WWOX: variants seen among roughly 807,000 people sequenced by gnomAD.
WWOX encodes the protein WW domain containing oxidoreductase, also known as WW domain-containing oxidoreductase.
A neutral mutation model predicts 46.2 loss-of-function variants in WWOX; 69 were observed. The ratio of observed to expected loss-of-function variants is 1.49; its 90% CI spans 1.23 to 1.82. WWOX has a LOEUF of 1.82. Ranked by LOEUF, WWOX falls within the 40% of genes most tolerant of loss-of-function variation. The pLI is 0.00. For missense variants in WWOX, 919 were observed against 542.6 expected, an observed-to-expected ratio of 1.69 and a Z score of -6.89; for synonymous variants, 359 against 202.6, an observed-to-expected ratio of 1.77 and a Z score of -6.56.
intron 6 of WWOX, among the ~76,000 whole-genome samples, chr16:78,404,371 C>G (rs1446884914): frequency 1.3e-5 from 2 of 151,888 alleles, no homozygotes; most frequent in African/African-American, 2.4e-5. Flanking sequence ...CAGATACCAC[C>G]TCTATCCTTC....
chr16:78,539,751 T>C (rs1023042178), intron 8 of WWOX, among the ~76,000 whole-genome samples: 1 of 152,210 alleles, frequency 6.6e-6, no homozygotes, highest in Non-Finnish European at 1.5e-5. Flanking sequence ...AATGCTAATG[T>C]CGGGGTGAGA....
chr16:78,266,158 C>T (rs970723911), intron 5 of WWOX: 5 of 151,852 alleles, frequency 3.3e-5, no homozygotes, highest in East Asian at 1.9e-4. Context: ...TTGTACAGCC[C>T]GAGAGCTAAG....
chr16:79,089,465 G>A (rs867760759), intron 8 of WWOX, among the ~76,000 whole-genome samples: 26 of 151,880 alleles, frequency 1.7e-4, no homozygotes, highest in Middle Eastern at 3.4e-3. Flanking sequence ...CCGAGTAGCT[G>A]GGACTACAGG....
At position 78,164,177 on chromosome 16, in the gene WWOX, C is replaced by T. The variant is rs1488901499; in HGVS notation, c.410-6C>T. 2 of 1,613,274 alleles carry T rather than the reference C, an allele frequency of 1.2e-6. No individual in the cohort carries two copies. Among genetic ancestry groups the T allele is most frequent in the East Asian group, 2.2e-5 (1 of 44,876 alleles). On this transcript the variant is annotated splice_polypyrimidine_tract_variant and splice_region_variant and intron_variant, in intron 4 of 8. Coordinates refer to ENST00000566780, the MANE Select transcript of WWOX (RefSeq NM_016373.4). ...TTTCTAACATTGACTTTCCTTTAAACCATAGGGTTCGAAACCGCCAAGTCT... is the reference window on the plus strand; with the variant it reads ...TTTCTAACATTGACTTTCCTTTAAATCATAGGGTTCGAAACCGCCAAGTCT...
intron 5 of WWOX, among the ~76,000 whole-genome samples, chr16:78,298,193 AC>A (rs965515103): frequency 1.1e-4 from 17 of 151,894 alleles, no homozygotes; most frequent in Non-Finnish European, 2.2e-4. Flanking sequence ...TTTATAAACC[AC>A]CCAGTCTTGG....
At chr16:78,872,067 T>G (rs533116959) in intron 8 of WWOX, among the ~76,000 whole-genome samples, 1 of 152,310 alleles carries the variant, frequency 6.6e-6, no homozygotes, top group African/African-American at 2.4e-5. Flanking sequence ...TTCTAACCAG[T>G]GTTTGAAGTA....
intron 8 of WWOX, among the ~76,000 whole-genome samples, chr16:78,480,234 T>C (rs1357238269): frequency 6.6e-6 from 1 of 152,224 alleles, no homozygotes; most frequent in South Asian, 2.1e-4. Flanking sequence ...TTGGCTACCA[T>C]ATTGGGTAGC....
intron 8 of WWOX, among the ~76,000 whole-genome samples, chr16:78,689,018 C>T (rs373557429): frequency 2.2e-4 from 33 of 152,268 alleles, no homozygotes; most frequent in African/African-American, 7.9e-4. Context: ...ACCTCCACAG[C>T]CATGCCAAAT....
At chr16:78,156,277 A>C (rs1948336640) in intron 4 of WWOX, among the ~76,000 whole-genome samples, 1 of 151,812 alleles carries the variant, frequency 6.6e-6, no homozygotes, top group Non-Finnish European at 1.5e-5. Flanking sequence ...TATTTTGTCA[A>C]GTGAGATAGC....
chr16:78,103,211 T>G (rs1164888576), intron 1 of WWOX, among the ~76,000 whole-genome samples: 1 of 151,762 alleles, frequency 6.6e-6, no homozygotes, highest in Non-Finnish European at 1.5e-5. Flanking sequence ...ACTAGTGTCT[T>G]AAATCTCAAG....
intron 8 of WWOX, among the ~76,000 whole-genome samples, chr16:78,478,140 G>T (rs2667555): frequency 0.29 from 44,829 of 151,970 alleles, 8,977 homozygotes; most frequent in African/African-American, 0.58. Context: ...ACACAGCAAG[G>T]TATGTACGGT....
chr16:78,660,382 T>C (rs532291448), intron 8 of WWOX, among the ~76,000 whole-genome samples: 1 of 152,244 alleles, frequency 6.6e-6, no homozygotes, highest in Admixed American at 6.5e-5. Context: ...AGAAGGAAAT[T>C]GGAGACATTG....
intron 5 of WWOX, among the ~76,000 whole-genome samples, chr16:78,351,310 A>G (rs2081179586): frequency 6.6e-6 from 1 of 152,170 alleles, no homozygotes; most frequent in Non-Finnish European, 1.5e-5. Context: ...TTTTTGTGCT[A>G]CAAGAGTTTC....
intron 8 of WWOX, among the ~76,000 whole-genome samples, chr16:79,022,341 T>C (rs1211778616): frequency 1.3e-5 from 1 of 75,530 alleles, no homozygotes; most frequent in Non-Finnish European, 2.4e-5. Context: ...CAGCAATCTG[T>C]GGCAAAAAAA....
intron 8 of WWOX, among the ~76,000 whole-genome samples, chr16:78,784,197 T>C (rs1364306304): frequency 6.6e-6 from 1 of 152,172 alleles, no homozygotes; most frequent in African/African-American, 2.4e-5. Flanking sequence ...ATTCAATCAC[T>C]CAACCCTTGT....
intron 8 of WWOX, among the ~76,000 whole-genome samples, chr16:79,114,020 C>T (rs571492307): frequency 2.0e-5 from 3 of 152,274 alleles, no homozygotes; most frequent in South Asian, 2.1e-4. Context: ...TGTTTGACTT[C>T]CTGACAGCCC....
intron 5 of WWOX, 110 bp downstream of exon 5, chr16:78,164,399 C>G (rs1405584130): frequency 4.1e-6 from 4 of 973,604 alleles, no homozygotes; most frequent in East Asian, 5.3e-5. Context: ...GGAATCATGT[C>G]TTTATTTTTA....
chr16:78,465,666 C>T (rs1391797745), intron 8 of WWOX, among the ~76,000 whole-genome samples: 1 of 152,138 alleles, frequency 6.6e-6, no homozygotes, highest in African/African-American at 2.4e-5. Flanking sequence ...TAATTTACTC[C>T]CTTGTAAATG....
rs967235649 is a variant in WWOX at position 78,432,388 on chromosome 16, G to C, written c.792-100G>C. On this transcript the variant is annotated intron_variant, in intron 7 of 8. Transcript: ENST00000566780. ...CCCAAAGTGCTCGGATTACAGATGT[G>C]AGCCACTGCACCCAGCATTCCTTAG... The C allele has an allele frequency of 2.1e-5, 32 of 1,496,898 alleles. No individual in the cohort carries two copies. The African/African-American group carries it at 3.3e-4, about 16-fold the overall frequency. The allele number at this position is 1,496,898 out of a possible 1,614,324, so 92.7% of individuals were successfully genotyped here.
Sources: gnomAD v4.1 joint callset for allele counts (sites outside exome capture counted in the v4.1 genomes callset) on GRCh38, gnomAD v4.1.1 for gene constraint, MANE v1.5 for transcripts, NCBI Gene and HGNC (gene_info 2026-07-23, HGNC 2026-07-21) for gene names.